The following NLGN4X variants were observed in gnomAD, a reference collection of about 807,000 sequenced individuals.
NLGN4X encodes neuroligin-4, X-linked.
In NLGN4X, 3 loss-of-function variants were observed where a neutral mutation model predicts 40.3. The ratio of observed to expected loss-of-function variants is 0.07; its 90% CI spans 0.03 to 0.19. The LOEUF (loss-of-function observed/expected upper bound fraction) is 0.19. Among genes scored for constraint, NLGN4X ranks in the 10% least tolerant of loss-of-function variants. The pLI, the probability that NLGN4X is intolerant of heterozygous loss-of-function variation, is 1.00. For synonymous variants in NLGN4X, 270 were observed against 306.8 expected (o/e 0.88, Z 1.25); for missense variants, 382 against 708.3 (o/e 0.54, Z 5.23).
Position 6,204,288 on chromosome X carries a change from G to A in NLGN4X, c.-306+24253C>T, listed in dbSNP as rs190244506. On this transcript the variant is annotated intron_variant, in intron 1 of 5. Coordinates refer to ENST00000381095, the MANE Select transcript of NLGN4X (RefSeq NM_181332.3). ...AATCTGCTGCCTTCAAGTTGCTGTAGTGTTTTGAATGATAAGCCTAGCATT... is the reference window on the plus strand; with the variant it reads ...AATCTGCTGCCTTCAAGTTGCTGTAATGTTTTGAATGATAAGCCTAGCATT... Among the ~76,000 whole-genome samples, 186 of 112,026 alleles carry A rather than the reference G, an allele frequency of 1.7e-3. 1 individual carries two copies. Among genetic ancestry groups the A allele is most frequent in the Middle Eastern group, 4.6e-3 (1 of 217 alleles).
intron 2 of NLGN4X, among the ~76,000 whole-genome samples, chrX:6,139,065 G>A (rs1954946681): frequency 9.0e-6 from 1 of 111,591 alleles, no homozygotes; most frequent in Admixed American, 9.6e-5. Context: ...ATTTTTAAAT[G>A]TAAACATTTT....
chrX:6,015,479 C>T (rs1220910647), intron 3 of NLGN4X, among the ~76,000 whole-genome samples: 2 of 111,173 alleles, frequency 1.8e-5, no homozygotes, highest in East Asian at 2.8e-4. Context: ...TTGTAAGGAA[C>T]GGAGGGATGC....
intron 3 of NLGN4X, among the ~76,000 whole-genome samples, chrX:5,942,086 C>T (rs13440973): frequency 0.046 from 4,980 of 108,918 alleles, 295 homozygotes; most frequent in African/African-American, 0.16. Context: ...CAACATCCTG[C>T]GTCAACAAAA....
At chrX:6,051,264 C>T (rs1241391284) in intron 2 of NLGN4X, among the ~76,000 whole-genome samples, 1 of 111,809 alleles carries the variant, frequency 8.9e-6, no homozygotes, top group Non-Finnish European at 1.9e-5. Context: ...AAGAGATTAA[C>T]TCTTAATATC....
chrX:5,894,804 G>A (rs1275467370), intron 5 of NLGN4X, among the ~76,000 whole-genome samples: 1 of 111,816 alleles, frequency 8.9e-6, no homozygotes, highest in Non-Finnish European at 1.9e-5. Context: ...ACGTCTTAAG[G>A]TTTATTTGTT....
At chrX:6,168,984 C>T (rs184663376) in intron 1 of NLGN4X, among the ~76,000 whole-genome samples, 1 of 111,940 alleles carries the variant, frequency 8.9e-6, no homozygotes, top group Admixed American at 9.5e-5. Context: ...AAAGCCAAAA[C>T]CCATAAAAGA....
intron 3 of NLGN4X, among the ~76,000 whole-genome samples, chrX:5,966,646 A>C (rs1448483814): frequency 8.9e-6 from 1 of 112,529 alleles, no homozygotes; most frequent in East Asian, 2.8e-4. Context: ...TTAATATCGT[A>C]TTTAAATATC....
chrX:6,125,837 G>C (rs1480509155), intron 2 of NLGN4X, among the ~76,000 whole-genome samples: 2 of 111,380 alleles, frequency 1.8e-5, no homozygotes, highest in Non-Finnish European at 3.8e-5. Flanking sequence ...AAAGTATAGA[G>C]TGTATAACAT....
chrX:6,168,335 G>A (rs1180544913), intron 1 of NLGN4X, among the ~76,000 whole-genome samples: 1 of 107,017 alleles, frequency 9.3e-6, no homozygotes, highest in African/African-American at 3.3e-5. Flanking sequence ...TTAAGACTAA[G>A]TTCTGTCCGC....
intron 2 of NLGN4X, among the ~76,000 whole-genome samples, chrX:6,038,732 T>C (rs1384804965): frequency 9.0e-6 from 1 of 111,694 alleles, no homozygotes; most frequent in Non-Finnish European, 1.9e-5. Context: ...CAAAGGGGCT[T>C]TCCAGAAAGC....
chrX:5,931,545 G>T (rs73627033), intron 3 of NLGN4X, among the ~76,000 whole-genome samples: 1,556 of 111,957 alleles, frequency 0.014, 21 homozygotes, highest in African/African-American at 0.048. Flanking sequence ...ATCCTCTTCA[G>T]TCCAAAGTCC....
intron 3 of NLGN4X, among the ~76,000 whole-genome samples, chrX:5,927,576 G>T (rs2033382057): frequency 8.9e-6 from 1 of 112,398 alleles, no homozygotes; most frequent in Non-Finnish European, 1.9e-5. Context: ...AGGTAAAAGA[G>T]AATTTACTTT....
chrX:6,140,889 T>G (rs1318488926), intron 2 of NLGN4X, among the ~76,000 whole-genome samples: 1 of 111,088 alleles, frequency 9.0e-6, no homozygotes, highest in Non-Finnish European at 1.9e-5. Context: ...TGTGGAAATC[T>G]GGACCTGCTT....
At chrX:6,021,069 CCTCCCTCCCTCT>C (rs1409654944) in intron 3 of NLGN4X, among the ~76,000 whole-genome samples, 41 of 21,529 alleles carry the variant, frequency 1.9e-3, no homozygotes, top group African/African-American at 9.5e-3. Flanking sequence ...TCCCTCCCTC[CCTCCCTCCCTCT>C]CTCTCTCTCT....
chrX:6,040,845 C>T (rs1206624564), intron 2 of NLGN4X, among the ~76,000 whole-genome samples: 2 of 111,680 alleles, frequency 1.8e-5, no homozygotes, highest in East Asian at 2.8e-4. Flanking sequence ...TACACATCAC[C>T]GTGTCAAAGT....
At chrX:6,026,800 A>G (rs1434919988) in intron 3 of NLGN4X, among the ~76,000 whole-genome samples, 1 of 111,455 alleles carries the variant, frequency 9.0e-6, no homozygotes, top group Non-Finnish European at 1.9e-5. Context: ...AACTCTCCAT[A>G]ACAAAAAGTA....
chrX:5,891,632 A>T lies in NLGN4X; in HGVS notation c.*1185T>A. On this transcript the variant is annotated 3_prime_UTR_variant, in exon 6 of 6. Transcript: ENST00000381095. The stretch of plus-strand genomic sequence containing the variant: ...TTTTTTGGCAGGGCCCTGAAATGGG[A>T]AGCAACTCTTCCTAAACATATTCAA... 1 of 243,355 alleles carries T rather than the reference A, an allele frequency of 4.1e-6. No homozygotes were observed. The highest frequency in any genetic ancestry group is 4.7e-5 in the South Asian group (1 of 21,504). 20.1% of individuals were successfully genotyped at this position (243,355 alleles called of 1,213,427 possible). A position where few individuals can be genotyped will look rare whatever the true frequency, so the allele number is the denominator to read the frequency against.
chrX:6,204,398 C>G (rs1923865664), intron 1 of NLGN4X, among the ~76,000 whole-genome samples: 1 of 111,853 alleles, frequency 8.9e-6, no homozygotes, highest in African/African-American at 3.3e-5. Context: ...CCCTCACAGT[C>G]CATAGCACAT....
intron 3 of NLGN4X, among the ~76,000 whole-genome samples, chrX:6,010,513 T>TTTATTATTA (rs58321620): frequency 0.018 from 1,688 of 95,367 alleles, 26 homozygotes; most frequent in East Asian, 0.06. Context: ...TTCTTTTTAT[T>TTTATTATTA]TTATTATTAT....
Sources: gnomAD v4.1 joint callset for allele counts (sites outside exome capture counted in the v4.1 genomes callset) on GRCh38, gnomAD v4.1.1 for gene constraint, MANE v1.5 for transcripts, NCBI Gene and HGNC (gene_info 2026-07-23, HGNC 2026-07-21) for gene names.